LRBA: variants seen among roughly 807,000 people sequenced by gnomAD.
LRBA encodes the protein lipopolysaccharide-responsive and beige-like anchor protein.
Under a neutral mutation model 330.0 loss-of-function variants are expected in LRBA, and 176 were observed. The ratio of observed to expected loss-of-function variants is 0.53; its 90% CI spans 0.47 to 0.60. LRBA has a LOEUF of 0.60. Among genes scored for constraint, LRBA ranks in the 20% least tolerant of loss-of-function variants. The pLI is 0.00. For missense variants in LRBA, 3,259 were observed against 3,444.8 expected (o/e 0.95, Z 1.35); for synonymous variants, 1,230 against 1,193.0 (o/e 1.03, Z -0.64).
chr4:151,004,651 A>AT (rs1490356244), intron 2 of LRBA, among the ~76,000 whole-genome samples: 2 of 152,246 alleles, frequency 1.3e-5, no homozygotes, highest in Non-Finnish European at 2.9e-5. Context: ...AAAGCAAAAT[A>AT]TATTAAGTTA....
chr4:150,599,232 T>TC (rs1328711460), intron 37 of LRBA, 101 bp from the exon 38 acceptor site: 5 of 1,245,032 alleles, frequency 4.0e-6, no homozygotes, highest in African/African-American at 1.5e-5. Flanking sequence ...TGCCTTTTTT[T>TC]CCCTCTCCTT....
chr4:150,784,675 C>T (rs1410318749), intron 34 of LRBA, among the ~76,000 whole-genome samples: 1 of 152,080 alleles, frequency 6.6e-6, no homozygotes, highest in Non-Finnish European at 1.5e-5. Flanking sequence ...GCTTTGGAGC[C>T]CCGCTCCCTC....
intron 47 of LRBA, among the ~76,000 whole-genome samples, chr4:150,385,647 T>G (rs1742948378): frequency 1.3e-5 from 2 of 152,106 alleles, no homozygotes; most frequent in Admixed American, 6.5e-5. Context: ...CTTGGGACAG[T>G]GTGCTGAGTT....
At chr4:150,412,033 CA>C (rs1747086824) in intron 47 of LRBA, among the ~76,000 whole-genome samples, 2 of 152,184 alleles carry the variant, frequency 1.3e-5, no homozygotes, top group South Asian at 4.2e-4. Context: ...AAACTTTGTT[CA>C]TCAGAGGTGT....
chr4:150,725,469 G>T (rs765255544), intron 36 of LRBA, among the ~76,000 whole-genome samples: 2 of 152,140 alleles, frequency 1.3e-5, no homozygotes, highest in Non-Finnish European at 2.9e-5. Flanking sequence ...TTTTACTCTA[G>T]AATAGTATAT....
intron 42 of LRBA, among the ~76,000 whole-genome samples, chr4:150,487,032 TCAGCTG>T (rs1158137033): frequency 1.1e-4 from 17 of 151,806 alleles, no homozygotes; most frequent in Admixed American, 5.9e-4. Context: ...TCTTTATTCA[TCAGCTG>T]ATGTACACTT....
chr4:150,552,490 G>A (rs1457656909), intron 40 of LRBA, among the ~76,000 whole-genome samples: 1 of 152,056 alleles, frequency 6.6e-6, no homozygotes, highest in East Asian at 1.9e-4. Context: ...TAAAAAGTCA[G>A]GAAACAACAG....
At chr4:150,329,519 G>C (rs1733717433) in intron 48 of LRBA, among the ~76,000 whole-genome samples, 1 of 151,982 alleles carries the variant, frequency 6.6e-6, no homozygotes, top group East Asian at 1.9e-4. Flanking sequence ...TCTGTCTTTT[G>C]CTGACTTGTC....
chr4:150,654,976 C>T (rs1780045822), intron 37 of LRBA, among the ~76,000 whole-genome samples: 1 of 152,050 alleles, frequency 6.6e-6, no homozygotes. Context: ...CAAGTCTTTG[C>T]TATTGTGAAT....
At chr4:150,591,469 C>G (rs113707116) in intron 38 of LRBA, among the ~76,000 whole-genome samples, 78 of 152,306 alleles carry the variant, frequency 5.1e-4, no homozygotes, top group African/African-American at 1.8e-3. Flanking sequence ...ACATTACCCT[C>G]GTCCACATGT....
chr4:150,401,883 A>G (rs1020745786), intron 47 of LRBA, among the ~76,000 whole-genome samples: 2 of 152,052 alleles, frequency 1.3e-5, no homozygotes, highest in Non-Finnish European at 2.9e-5. Flanking sequence ...GTATATATAC[A>G]TATACTACAG....
chr4:150,916,617 C>G lies in LRBA; in HGVS notation c.767G>C (p.Cys256Ser). Residue 256 changes from cysteine (C) to serine (S), a missense_variant and splice_region_variant, in exon 6 of 57, where the codon TGT becomes TCT. Transcript: ENST00000651943. ...ACTAATCAGTTACAGAAATACATAC[C>G]AATACAAATATGGTTTATCCTTATC... ...NVDKDKPYLY[C>S]FRTSKGLGYS... 6.3e-7 allele frequency: 1 copy of G among 1,596,022 alleles called. No individual in the cohort carries two copies. The highest frequency in any genetic ancestry group is 8.5e-7 in the Non-Finnish European group (1 of 1,171,736).
chr4:150,498,932 G>C (rs1178426732), intron 40 of LRBA, among the ~76,000 whole-genome samples: 1 of 152,058 alleles, frequency 6.6e-6, no homozygotes, highest in African/African-American at 2.4e-5. Context: ...AAAGAGTTTT[G>C]TCTAATTCAA....
At position 150,849,462 on chromosome 4, in the gene LRBA, C is replaced by G. The variant is rs772340784; in HGVS notation, c.4118G>C (p.Gly1373Ala). 1.2e-6 allele frequency: 2 copies of G among 1,613,704 alleles called. No individual in the cohort carries two copies. Among genetic ancestry groups the G allele is most frequent in the African/African-American group, 1.3e-5 (1 of 74,916 alleles). The change falls in exon 25 of 57, where the codon GGG becomes GCG. Residue 1373 changes from glycine to alanine, a missense_variant. Coordinates refer to ENST00000651943, the MANE Select transcript of LRBA (RefSeq NM_001364905.1). Reference sequence around the variant, plus strand: ...AGCTGAAAGCAATGGCAGTATACCCCCACAAGCCATGACCATATTGTCCAT... The same window carrying G: ...AGCTGAAAGCAATGGCAGTATACCCGCACAAGCCATGACCATATTGTCCAT... ...QVMDNMVMAC[G>A]GILPLLSAAT... is the part of the protein sequence containing the mutation.
In LRBA at chr4:150,901,156, G is replaced by A. The variant is rs144131359; in HGVS notation, c.1756-939C>T. The stretch of plus-strand genomic sequence containing the variant: ...CTACCAAAAAATACAAAAATTAGCC[G>A]GGCGTGATGGTACACACCTGTAGTC... On this transcript the variant is annotated intron_variant, in intron 13 of 56. Transcript: ENST00000651943. 3.0e-4 allele frequency among the ~76,000 whole-genome samples: 46 copies of A among 152,024 alleles called. No homozygotes were observed. The East Asian group carries it at 7.3e-3, about 24-fold the overall frequency.
chr4:150,537,764 A>G (rs1764827417), intron 40 of LRBA, among the ~76,000 whole-genome samples: 1 of 152,108 alleles, frequency 6.6e-6, no homozygotes, highest in Admixed American at 6.5e-5. Context: ...GACCAGCCTG[A>G]ACAACATGGT....
At chr4:150,338,095 T>G (rs1734981490) in intron 48 of LRBA, among the ~76,000 whole-genome samples, 2 of 152,082 alleles carry the variant, frequency 1.3e-5, no homozygotes, top group African/African-American at 4.8e-5. Context: ...CTCAGAGTGA[T>G]TACGCATAGC....
At chr4:150,457,762 A>G (rs62344664) in intron 44 of LRBA, among the ~76,000 whole-genome samples, 29,493 of 151,844 alleles carry the variant, frequency 0.19, 3,674 homozygotes, top group Non-Finnish European at 0.28. Flanking sequence ...GTAAATTCAC[A>G]GTAGATATTC....
chr4:150,984,238 C>T (rs1405794001), intron 2 of LRBA, among the ~76,000 whole-genome samples: 3 of 152,212 alleles, frequency 2.0e-5, no homozygotes, highest in African/African-American at 7.2e-5. Context: ...TAGGGCTGGG[C>T]GCAGTGGCCC....
Sources: gnomAD v4.1 joint callset for allele counts (sites outside exome capture counted in the v4.1 genomes callset) on GRCh38, gnomAD v4.1.1 for gene constraint, MANE v1.5 for transcripts, NCBI Gene and HGNC (gene_info 2026-07-23, HGNC 2026-07-21) for gene names.